The following WDR64 variants were observed in gnomAD, a reference collection of about 807,000 sequenced individuals.
The protein encoded by WDR64 is WD repeat domain 64.
In WDR64, 112 loss-of-function variants were observed where a neutral mutation model predicts 139.3. That is an observed-to-expected ratio of 0.80 (90% CI 0.69 to 0.94). WDR64 has a LOEUF of 0.94. Among genes scored for constraint, WDR64 ranks in the 40% least tolerant of loss-of-function variants. The pLI, the probability that WDR64 is intolerant of heterozygous loss-of-function variation, is 0.00. For missense variants in WDR64, 1,206 were observed against 1,293.1 expected, an observed-to-expected ratio of 0.93 and a Z score of 1.03; for synonymous variants, 444 against 437.7, an observed-to-expected ratio of 1.01 and a Z score of -0.18.
chr1:241,763,602 G>A (rs981733503), intron 15 of WDR64, among the ~76,000 whole-genome samples: 2 of 152,168 alleles, frequency 1.3e-5, no homozygotes, highest in African/African-American at 4.8e-5. Context: ...CTACGGGGGA[G>A]GCTGAGGCAT....
At chr1:241,762,098 T>A (rs1657935881) in intron 15 of WDR64, among the ~76,000 whole-genome samples, 1 of 152,214 alleles carries the variant, frequency 6.6e-6, no homozygotes, top group South Asian at 2.1e-4. Flanking sequence ...GCAACCAGAT[T>A]TATCATAGGA....
In WDR64 at chr1:241,766,688, G is replaced by A. The variant is rs1352065631; in HGVS notation, c.2081+337G>A. On this transcript the variant is annotated intron_variant, in intron 16 of 27. Transcript: ENST00000437684. ...CGCACTACATCCTGGGTGACAGAGT[G>A]AGTGAAACTCAGTATAAAAAAAAAA... Among the ~76,000 whole-genome samples the A allele has an allele frequency of 4.0e-5, 6 of 149,344 alleles. 1 individual carries two copies. In the Middle Eastern group the frequency reaches 0.01, roughly 257 times the overall value.
intron 12 of WDR64, among the ~76,000 whole-genome samples, chr1:241,743,505 C>A (rs1365835148): frequency 2.0e-5 from 3 of 152,182 alleles, no homozygotes; most frequent in Admixed American, 2.0e-4. Context: ...CGCACTCCCC[C>A]TCTTACCCAG....
At chr1:241,721,451 A>G (rs1001729204) in intron 9 of WDR64, among the ~76,000 whole-genome samples, 1 of 152,142 alleles carries the variant, frequency 6.6e-6, no homozygotes, top group Non-Finnish European at 1.5e-5. Context: ...CTTTTTGTCT[A>G]GTAGCCTAAA....
chr1:241,717,199 A>C (rs1287211322), intron 9 of WDR64, among the ~76,000 whole-genome samples: 1 of 152,164 alleles, frequency 6.6e-6, no homozygotes, highest in Non-Finnish European at 1.5e-5. Context: ...ATATCTGGTG[A>C]GTTTCTTACT....
At chr1:241,652,865 T>C (rs974219217) in intron 1 of WDR64, among the ~76,000 whole-genome samples, 1 of 152,226 alleles carries the variant, frequency 6.6e-6, no homozygotes, top group African/African-American at 2.4e-5. Context: ...TGAACCGAAG[T>C]TGCTTCAATT....
intron 21 of WDR64, among the ~76,000 whole-genome samples, 193 bp from the exon 22 acceptor site, chr1:241,779,811 C>T (rs889316707): frequency 5.3e-5 from 8 of 152,120 alleles, no homozygotes; most frequent in African/African-American, 1.9e-4. Flanking sequence ...TTCTGGGCTA[C>T]AAAGCGAGAC....
intron 8 of WDR64, among the ~76,000 whole-genome samples, chr1:241,709,115 T>G (rs1238779797): frequency 6.6e-6 from 1 of 152,218 alleles, no homozygotes; most frequent in African/African-American, 2.4e-5. Flanking sequence ...CAAATTTAGT[T>G]GAGCAAACTC....
chr1:241,653,564 A>T, intron 1 of WDR64, among the ~76,000 whole-genome samples: 1 of 136,948 alleles, frequency 7.3e-6, no homozygotes, highest in Non-Finnish European at 1.5e-5. Flanking sequence ...TTTTTCTGAG[A>T]CGGAGTTTCA....
intron 13 of WDR64, among the ~76,000 whole-genome samples, chr1:241,744,931 G>A (rs1286343140): frequency 6.6e-6 from 1 of 152,184 alleles, no homozygotes. Flanking sequence ...AGCCAACTTT[G>A]TCACATTACT....
intron 8 of WDR64, among the ~76,000 whole-genome samples, chr1:241,705,558 T>TAAATAA (rs1382637274): frequency 5.2e-5 from 3 of 57,374 alleles, no homozygotes; most frequent in Admixed American, 2.0e-4. Flanking sequence ...AATAAATAAA[T>TAAATAA]AAATAATAAT....
chr1:241,735,415 C>T (rs937752674), intron 10 of WDR64, among the ~76,000 whole-genome samples: 6 of 151,396 alleles, frequency 4.0e-5, no homozygotes, highest in African/African-American at 1.2e-4. Context: ...GCTTTTTGTG[C>T]TTATTTAAGA....
intron 2 of WDR64, among the ~76,000 whole-genome samples, chr1:241,663,445 T>A (rs1359076902): frequency 1.3e-5 from 2 of 152,164 alleles, no homozygotes; most frequent in African/African-American, 4.8e-5. Context: ...GGCCACCCCC[T>A]CAGAACTAGA....
chr1:241,774,602 T>C (rs1180086297), intron 20 of WDR64, among the ~76,000 whole-genome samples: 1 of 152,208 alleles, frequency 6.6e-6, no homozygotes, highest in Non-Finnish European at 1.5e-5. Flanking sequence ...TTAACAATTC[T>C]TTGTCTTGCA....
intron 25 of WDR64, among the ~76,000 whole-genome samples, chr1:241,792,219 C>G (rs78895875): frequency 0.016 from 2,504 of 152,202 alleles, 58 homozygotes; most frequent in African/African-American, 0.057. Flanking sequence ...CAAGTCCACC[C>G]TACCTTTGTA....
Position 241,795,267 on chromosome 1 carries a change from G to A in WDR64, c.3058G>A (p.Gly1020Ser), listed in dbSNP as rs775294576. 1.2e-5 allele frequency: 20 copies of A among 1,613,550 alleles called. No homozygotes were observed. The highest frequency in any genetic ancestry group is 1.1e-4 in the East Asian group (5 of 44,834). Reference protein sequence around the residue: ...TENREAGIVFGSLPIYSISSP... With the variant: ...TENREAGIVFSSLPIYSISSP... ...AAACAGAGAGGCAGGGATTGTTTTC[G>A]GCTCTCTGCCTATATACAGTGTGAG... The change falls in exon 26 of 28, where the codon GGC becomes AGC. Residue 1020 changes from glycine to serine, a missense_variant. Coordinates refer to ENST00000437684, the MANE Select transcript of WDR64 (RefSeq NM_001367482.1).
chr1:241,795,355 C>T, intron 26 of WDR64, 68 bp downstream of exon 26: 2 of 1,405,348 alleles, frequency 1.4e-6, no homozygotes, highest in South Asian at 2.5e-5. Context: ...CATTCCTGAC[C>T]CTGGGCTACC....
At chr1:241,775,668 T>C (rs983661675) in intron 21 of WDR64, among the ~76,000 whole-genome samples, 2 of 152,170 alleles carry the variant, frequency 1.3e-5, no homozygotes, top group African/African-American at 4.8e-5. Context: ...CAAAATTCTT[T>C]CTTCCATTCT....
chr1:241,796,633 C>T (rs1392435235), intron 27 of WDR64, among the ~76,000 whole-genome samples: 1 of 152,122 alleles, frequency 6.6e-6, no homozygotes, highest in Admixed American at 6.5e-5. Flanking sequence ...GCTGGGATTA[C>T]AGGCATGCGC....
Sources: gnomAD v4.1 joint callset for allele counts (sites outside exome capture counted in the v4.1 genomes callset) on GRCh38, gnomAD v4.1.1 for gene constraint, MANE v1.5 for transcripts, NCBI Gene and HGNC (gene_info 2026-07-23, HGNC 2026-07-21) for gene names.